Variants in MRPS6 observed in about 807,000 individuals in gnomAD.
MRPS6 encodes the protein mitochondrial ribosomal protein S6, also known as small ribosomal subunit protein bS6m.
A neutral mutation model predicts 13.1 loss-of-function variants in MRPS6; 6 were observed. That is an observed-to-expected ratio of 0.46 (90% CI 0.25 to 0.91). MRPS6 has a LOEUF of 0.91. MRPS6 is among the 40% of genes least tolerant of loss of function. The pLI is 0.18. For synonymous variants in MRPS6, 61 were observed against 56.5 expected (o/e 1.08, Z -0.36); for missense variants, 164 against 155.6 (o/e 1.05, Z -0.29).
chr21:34,111,224 A>G (rs1979686260), intron 1 of MRPS6, among the ~76,000 whole-genome samples: 3 of 152,206 alleles, frequency 2.0e-5, no homozygotes, highest in African/African-American at 4.8e-5. Flanking sequence ...CAAGTAGGCA[A>G]ATTGGCATAT....
At chr21:34,133,216 T>C (rs376901137) in intron 2 of MRPS6, among the ~76,000 whole-genome samples, 2 of 152,204 alleles carry the variant, frequency 1.3e-5, no homozygotes, top group African/African-American at 4.8e-5. Context: ...AAATATGAGG[T>C]TTCTGATATA....
chr21:34,142,473 G>T lies in MRPS6; in HGVS notation c.251G>T (p.Arg84Leu), dbSNP rs777690532. Residue 84 changes from arginine (R) to leucine (L), a missense_variant, in exon 3 of 3, where the codon CGA becomes CTA. Physicochemically the swap from Arg to Leu is moderately radical, Grantham distance 102 (BLOSUM62 -2). Transcript: ENST00000399312. ...AVESMVEHLS[R>L]DIDVIRGNIV... ...GAAAGCATGGTGGAGCACTTGTCTC[G>T]AGATATAGATGTGATTAGAGGGAAT... The T allele has an allele frequency of 6.2e-7, 1 of 1,609,764 alleles. No individual in the cohort carries two copies. Among genetic ancestry groups the T allele is most frequent in the Non-Finnish European group, 8.5e-7 (1 of 1,178,266 alleles).
rs544230329 is a variant in MRPS6, at chr21:34,103,839, G to T, written c.46-21502G>T. On this transcript the variant is annotated intron_variant, in intron 1 of 2. Coordinates refer to ENST00000399312, the MANE Select transcript of MRPS6 (RefSeq NM_032476.4). ...TGTCAAGAATGCCAAAATTATATTTGGGGGTTACTAGCTAAAATGGGGTTT... is the reference window on the plus strand; with the variant it reads ...TGTCAAGAATGCCAAAATTATATTTTGGGGTTACTAGCTAAAATGGGGTTT... 1.1e-4 allele frequency: 115 copies of T among 1,000,072 alleles called. 2 individuals carry two copies. In the South Asian group the frequency reaches 5.0e-3, roughly 43 times the overall value. 61.9% of individuals were successfully genotyped at this position (1,000,072 alleles called of 1,614,324 possible).
intron 1 of MRPS6, among the ~76,000 whole-genome samples, chr21:34,087,637 C>G (rs933473032): frequency 6.6e-6 from 1 of 152,174 alleles, no homozygotes; most frequent in Non-Finnish European, 1.5e-5. Context: ...GGAGAGGAGA[C>G]AGGTCTTGTG....
intron 2 of MRPS6, among the ~76,000 whole-genome samples, chr21:34,127,761 A>G (rs972173758): frequency 4.6e-5 from 7 of 152,244 alleles, no homozygotes; most frequent in Non-Finnish European, 7.3e-5. Context: ...TCATTTGGCA[A>G]ATTCTTTATG....
chr21:34,109,656 T>C (rs1979620004), intron 1 of MRPS6, among the ~76,000 whole-genome samples: 1 of 152,200 alleles, frequency 6.6e-6, no homozygotes, highest in Non-Finnish European at 1.5e-5. Context: ...TGTATTTATT[T>C]TAGTGTCACT....
chr21:34,113,973 C>T (rs1979807687), intron 1 of MRPS6, among the ~76,000 whole-genome samples: 1 of 152,142 alleles, frequency 6.6e-6, no homozygotes, highest in Non-Finnish European at 1.5e-5. Flanking sequence ...TGAAGGCATG[C>T]AATCAATAAG....
chr21:34,111,380 T>C lies in MRPS6; in HGVS notation c.46-13961T>C, dbSNP rs374784392. Among the ~76,000 whole-genome samples, 32 of 152,310 alleles carry C rather than the reference T, an allele frequency of 2.1e-4. No homozygotes were observed. The East Asian group carries it at 2.5e-3, about 12-fold the overall frequency. On this transcript the variant is annotated intron_variant, in intron 1 of 2. Transcript: ENST00000399312. ...TCCACTTTCAGAAAGTTCTAAACTTTAAAGGATTTTCTGATTGACCTTAAA... is the reference window on the plus strand; with the variant it reads ...TCCACTTTCAGAAAGTTCTAAACTTCAAAGGATTTTCTGATTGACCTTAAA...
intron 1 of MRPS6, among the ~76,000 whole-genome samples, chr21:34,086,022 C>T (rs930906916): frequency 6.6e-6 from 1 of 152,204 alleles, no homozygotes; most frequent in Non-Finnish European, 1.5e-5. Context: ...TTCTGGTTGA[C>T]TCTGAATCTA....
intron 2 of MRPS6, among the ~76,000 whole-genome samples, chr21:34,134,336 G>C (rs1311945330): frequency 1.3e-5 from 2 of 152,176 alleles, no homozygotes; most frequent in Non-Finnish European, 2.9e-5. Context: ...CAAGAAGTTT[G>C]TGGAATAGTG....
chr21:34,117,221 C>G (rs553946916), intron 1 of MRPS6, among the ~76,000 whole-genome samples: 2 of 152,262 alleles, frequency 1.3e-5, no homozygotes, highest in Non-Finnish European at 2.9e-5. Context: ...TCTACCTATA[C>G]TAAATTCAGT....
At chr21:34,134,422 G>A (rs1487223929) in intron 2 of MRPS6, among the ~76,000 whole-genome samples, 1 of 152,158 alleles carries the variant, frequency 6.6e-6, no homozygotes, top group Non-Finnish European at 1.5e-5. Flanking sequence ...GCTCCCTGTT[G>A]CCTCCATCCC....
intron 1 of MRPS6, among the ~76,000 whole-genome samples, chr21:34,086,174 T>G (rs1285879061): frequency 2.0e-5 from 3 of 152,222 alleles, no homozygotes; most frequent in Non-Finnish European, 4.4e-5. Context: ...GTAATTTCTG[T>G]AGACCCATAG....
At chr21:34,135,500 C>T in intron 2 of MRPS6, 1 of 503,894 alleles carries the variant, frequency 2.0e-6, no homozygotes, top group Non-Finnish European at 4.0e-6. Context: ...TTGGAGGAGC[C>T]CTTGGTGGCA....
chr21:34,125,132 C>T, intron 1 of MRPS6: 2 of 737,926 alleles, frequency 2.7e-6, no homozygotes, highest in South Asian at 2.4e-5. Flanking sequence ...TTCAGATATT[C>T]CTCGTATCTG....
chr21:34,136,051 T>A (rs1381731946), intron 2 of MRPS6: 1 of 255,406 alleles, frequency 3.9e-6, no homozygotes, highest in Non-Finnish European at 7.6e-6. Flanking sequence ...CCACTGCTGG[T>A]GCTGTCTCCC....
intron 1 of MRPS6, among the ~76,000 whole-genome samples, chr21:34,092,031 C>T (rs1978722308): frequency 6.6e-6 from 1 of 152,004 alleles, no homozygotes; most frequent in Non-Finnish European, 1.5e-5. Context: ...GCTGAAGATT[C>T]TTCCATGTGT....
At chr21:34,102,953 T>G (rs994653322) in intron 1 of MRPS6, 3 of 999,890 alleles carry the variant, frequency 3.0e-6, no homozygotes, top group Non-Finnish European at 3.6e-6. Flanking sequence ...TCACCCTGTT[T>G]CCTAGTGCTG....
At chr21:34,114,324 A>G (rs1979819124) in intron 1 of MRPS6, among the ~76,000 whole-genome samples, 2 of 152,180 alleles carry the variant, frequency 1.3e-5, no homozygotes, top group South Asian at 4.1e-4. Flanking sequence ...TATTGGTGAG[A>G]AAGAGTGAAA....
Sources: allele counts gnomAD v4.1 joint callset (sites outside exome capture counted in the v4.1 genomes callset), GRCh38; gene constraint gnomAD v4.1.1; transcripts MANE v1.5; gene names NCBI Gene and HGNC (gene_info 2026-07-23, HGNC 2026-07-21).